Variants in NTM observed in about 807,000 individuals in gnomAD.
The protein encoded by NTM is IgLON family member 2.
In NTM, 13 loss-of-function variants were observed where a neutral mutation model predicts 42.1. The ratio of observed to expected loss-of-function variants is 0.31; its 90% CI spans 0.20 to 0.49. NTM has a LOEUF of 0.49. Ranked by LOEUF, NTM falls within the 20% of genes least tolerant of loss-of-function variation. The probability of loss-of-function intolerance (pLI) is 0.99; values close to 1 mark genes in which losing one functional copy is unlikely to be tolerated. For synonymous variants in NTM, 187 were observed against 179.2 expected (o/e 1.04, Z -0.35); for missense variants, 373 against 452.8 (o/e 0.82, Z 1.60).
At chr11:132,027,113 T>C (rs2075289672) in intron 2 of NTM, among the ~76,000 whole-genome samples, 1 of 152,232 alleles carries the variant, frequency 6.6e-6, no homozygotes, top group Non-Finnish European at 1.5e-5. Flanking sequence ...GTTTACTGAC[T>C]GTCCATACCA....
intron 1 of NTM, among the ~76,000 whole-genome samples, chr11:131,578,736 C>T (rs2058143864): frequency 1.3e-5 from 2 of 152,200 alleles, no homozygotes; most frequent in South Asian, 4.1e-4. Flanking sequence ...TTGTAACTAT[C>T]TCCCTCATAG....
intron 3 of NTM, among the ~76,000 whole-genome samples, chr11:132,202,959 G>A (rs549634999): frequency 1.3e-5 from 2 of 152,268 alleles, no homozygotes; most frequent in African/African-American, 4.8e-5. Flanking sequence ...AAAGGGTTCT[G>A]GTGAAGAGAA....
At position 132,297,717 on chromosome 11, in the gene NTM, C is replaced by A. The variant is rs143309415; in HGVS notation, c.527-9972C>A. 5.6e-3 allele frequency among the ~76,000 whole-genome samples: 849 copies of A among 152,160 alleles called. 10 individuals carry two copies. Among genetic ancestry groups the A allele is most frequent in the African/African-American group, 0.019 (769 of 41,518 alleles). ...TACATTTTTGCGGGCTTTTTCTTGG[C>A]AGACATGTGAGTTGACATGGATTTG... On this transcript the variant is annotated intron_variant, in intron 4 of 8. Transcript: ENST00000683400.
intron 1 of NTM, among the ~76,000 whole-genome samples, chr11:131,689,177 C>G (rs2074337594): frequency 6.6e-6 from 1 of 152,222 alleles, no homozygotes; most frequent in South Asian, 2.1e-4. Flanking sequence ...CGAGCCCCTT[C>G]TCCTGGGAGC....
At chr11:131,608,209 C>T (rs1410947633) in intron 1 of NTM, among the ~76,000 whole-genome samples, 1 of 152,164 alleles carries the variant, frequency 6.6e-6, no homozygotes. Context: ...ATCCATGTCC[C>T]TGCAAAGGAC....
intron 1 of NTM, among the ~76,000 whole-genome samples, chr11:131,812,385 G>A (rs923447918): frequency 3.9e-5 from 6 of 152,128 alleles, no homozygotes; most frequent in Non-Finnish European, 8.8e-5. Context: ...TCAGGCATGA[G>A]GATAGACCCT....
chr11:131,797,490 G>A (rs1405168773), intron 1 of NTM, among the ~76,000 whole-genome samples: 1 of 152,200 alleles, frequency 6.6e-6, no homozygotes, highest in Non-Finnish European at 1.5e-5. Context: ...GGAAATATGA[G>A]ACAAATGGGA....
At position 132,143,411 on chromosome 11, in the gene NTM, T is replaced by A. The variant is rs571014232; in HGVS notation, c.168-2871T>A. On this transcript the variant is annotated intron_variant, in intron 2 of 8. Transcript: ENST00000683400. ...TGAATTTGAGAAGAACTGATTTAGA[T>A]GTTCTTTTGGGAGCACCTATAAGAA... 7.2e-5 allele frequency among the ~76,000 whole-genome samples: 11 copies of A among 152,334 alleles called. No individual in the cohort carries two copies. The South Asian group carries it at 2.3e-3, about 32-fold the overall frequency.
chr11:131,387,798 A>C (rs996654090), intron 1 of NTM, among the ~76,000 whole-genome samples: 5 of 150,624 alleles, frequency 3.3e-5, no homozygotes, highest in Admixed American at 3.3e-4. Context: ...TCTGAAACCC[A>C]CTCCCCCCTT....
At chr11:132,057,464 A>G (rs1293311005) in intron 2 of NTM, among the ~76,000 whole-genome samples, 3 of 152,202 alleles carry the variant, frequency 2.0e-5, no homozygotes, top group Non-Finnish European at 4.4e-5. Flanking sequence ...TCAGTTGCCT[A>G]GTTTTTAAGA....
At chr11:131,392,876 G>A (rs995466606) in intron 1 of NTM, among the ~76,000 whole-genome samples, 4 of 152,164 alleles carry the variant, frequency 2.6e-5, no homozygotes, top group African/African-American at 9.7e-5. Flanking sequence ...GTGCATCTCT[G>A]ATATCCCAGG....
At chr11:132,008,203 C>A (rs944225804) in intron 2 of NTM, among the ~76,000 whole-genome samples, 6 of 152,104 alleles carry the variant, frequency 3.9e-5, no homozygotes, top group Non-Finnish European at 1.5e-5. Flanking sequence ...GATGAGAGAA[C>A]AAACGCTCAC....
chr11:131,501,201 G>T (rs908020126), intron 1 of NTM, among the ~76,000 whole-genome samples: 1 of 152,114 alleles, frequency 6.6e-6, no homozygotes, highest in Non-Finnish European at 1.5e-5. Context: ...ACAGCTTAAG[G>T]GTGAATAAAG....
At chr11:131,547,869 C>G (rs1235669382) in intron 1 of NTM, among the ~76,000 whole-genome samples, 1 of 152,158 alleles carries the variant, frequency 6.6e-6, no homozygotes, top group East Asian at 1.9e-4. Context: ...ATTGATAAAT[C>G]TTTGGCATCT....
chr11:131,761,533 G>T (rs941474395), intron 1 of NTM, among the ~76,000 whole-genome samples: 1 of 152,112 alleles, frequency 6.6e-6, no homozygotes, highest in African/African-American at 2.4e-5. Flanking sequence ...GCCGGGCACG[G>T]TGGCTCACGC....
chr11:131,503,516 T>G (rs1005788421), intron 1 of NTM, among the ~76,000 whole-genome samples: 3 of 146,420 alleles, frequency 2.0e-5, no homozygotes, highest in Non-Finnish European at 4.4e-5. Flanking sequence ...CACTTCATAT[T>G]TGAGGTTACA....
intron 1 of NTM, among the ~76,000 whole-genome samples, chr11:131,820,283 C>G (rs757892256): frequency 6.6e-5 from 10 of 152,122 alleles, no homozygotes; most frequent in Non-Finnish European, 1.2e-4. Context: ...TCTGGAAACC[C>G]TCTGGTTCTC....
At chr11:131,627,703 T>C (rs969070131) in intron 1 of NTM, among the ~76,000 whole-genome samples, 2 of 152,014 alleles carry the variant, frequency 1.3e-5, no homozygotes, top group African/African-American at 2.4e-5. Flanking sequence ...TGCTGGTGCA[T>C]GCCTGTGGTC....
At chr11:132,161,635 T>C (rs956582089) in intron 3 of NTM, among the ~76,000 whole-genome samples, 1 of 151,644 alleles carries the variant, frequency 6.6e-6, no homozygotes, top group Non-Finnish European at 1.5e-5. Flanking sequence ...CCAACTTTCT[T>C]TGCTTCCTCT....
Sources: allele counts gnomAD v4.1 joint callset (sites outside exome capture counted in the v4.1 genomes callset), GRCh38; gene constraint gnomAD v4.1.1; transcripts MANE v1.5; gene names NCBI Gene and HGNC (gene_info 2026-07-23, HGNC 2026-07-21).